NOTUM: variants seen among roughly 807,000 people sequenced by gnomAD.
The protein encoded by NOTUM is notum, palmitoleoyl-protein carboxylesterase.
Under a neutral mutation model 65.5 loss-of-function variants are expected in NOTUM, and 36 were observed. That is an observed-to-expected ratio of 0.55 (90% CI 0.42 to 0.73). The LOEUF is 0.73. Ranked by LOEUF, NOTUM falls within the 30% of genes least tolerant of loss-of-function variation. NOTUM has a pLI of 0.00. For synonymous variants in NOTUM, 356 were observed against 297.9 expected (o/e 1.20, Z -2.01); for missense variants, 659 against 694.2 (o/e 0.95, Z 0.57).
Position 81,959,569 on chromosome 17 carries a change from G to T in NOTUM, c.377-3C>A. On this transcript the variant is annotated splice_region_variant and splice_polypyrimidine_tract_variant and intron_variant, in intron 2 of 10. Coordinates refer to ENST00000409678, the MANE Select transcript of NOTUM (RefSeq NM_178493.6). ...GCGGTTGAAGCAGTACCAGCCGCCT[G>T]CGGACACGACCGCCGCTCAGGCCCG... 5.8e-6 allele frequency: 9 copies of T among 1,548,644 alleles called. No individual in the cohort carries two copies. The highest frequency in any genetic ancestry group is 7.9e-6 in the Non-Finnish European group (9 of 1,146,252).
rs144787172 is a variant in NOTUM at position 81,957,094 on chromosome 17, T to A, written c.696-20A>T. 4.3e-4 allele frequency: 673 copies of A among 1,579,930 alleles called. 3 individuals are homozygous for A. In the African/African-American group the frequency reaches 8.0e-3, roughly 19 times the overall value. ...CCCGCGCTGCAAGGAGGGCCAGACG[T>A]GAGGCCAGGTGGCTGGGAAGAGGCA... is the stretch of plus-strand genomic sequence containing the variant. On this transcript the variant is annotated intron_variant, in intron 6 of 10. Coordinates refer to ENST00000409678, the MANE Select transcript of NOTUM (RefSeq NM_178493.6).
chr17:81,953,453 G>C (rs2041403044), intron 10 of NOTUM, among the ~76,000 whole-genome samples, 186 bp from the exon 11 acceptor site: 1 of 147,402 alleles, frequency 6.8e-6, no homozygotes, highest in Non-Finnish European at 1.5e-5. Context: ...GTGCCACCGA[G>C]ACTGGCTAAT....
chr17:81,955,785 C>T (rs2041428549), intron 8 of NOTUM, among the ~76,000 whole-genome samples: 1 of 124,394 alleles, frequency 8.0e-6, no homozygotes, highest in South Asian at 3.0e-4. Context: ...GTGTCCCCCA[C>T]CCCAGGCTCA....
At chr17:81,959,113 T>C (rs1222345757) in intron 3 of NOTUM, 118 bp from the exon 4 acceptor site, 3 of 878,402 alleles carry the variant, frequency 3.4e-6, no homozygotes, top group Non-Finnish European at 3.7e-6. Flanking sequence ...GGTGTGCTGG[T>C]GTTGCTAGCC....
Position 81,957,862 on chromosome 17 carries a change from C to A in NOTUM, c.639G>T (p.Arg213=). Residue 213 remains arginine (R), a synonymous_variant, in exon 6 of 11, where the codon CGG becomes CGT. Transcript: ENST00000409678. ...MGALIIQEVV[R]ELLGRGLSGA... is the part of the protein sequence containing the mutation. ...CGCTCAGCCCTCTGCCCAGAAGCTC[C>A]CGCACCACCTCCTGGATGATGAGGG... The A allele has an allele frequency of 6.2e-7, 1 of 1,609,662 alleles. No homozygotes were observed. Among genetic ancestry groups the A allele is most frequent in the Non-Finnish European group, 8.5e-7 (1 of 1,178,598 alleles).
At position 81,961,129 on chromosome 17, in the gene NOTUM, C is replaced by T. The variant is rs2041475083; in HGVS notation, c.-220G>A. The T allele has an allele frequency of 1.3e-5, 2 of 151,312 alleles. 1 individual carries two copies. Among genetic ancestry groups the T allele is most frequent in the Non-Finnish European group, 2.9e-5 (2 of 68,832 alleles). 9.4% of individuals were successfully genotyped at this position (151,312 alleles called of 1,614,324 possible). A position where few individuals can be genotyped will look rare whatever the true frequency, so the allele number is the denominator to read the frequency against. On this transcript the variant is annotated 5_prime_UTR_variant, in exon 1 of 11. Transcript: ENST00000409678. ...GTCGGCCTCCGCAGCTGGGGCTCCG[C>T]GCCCGGCCGTCCGAGGGCAGCGCAG...
In NOTUM at chr17:81,960,276, G is replaced by C. The variant is rs779399818; in HGVS notation, c.323+311C>G. ...CTCTCCCCGCCCCCCGGTGTCGCCG[G>C]TTCCCGCTGGAGCCAGGCGCGCTCT... On this transcript the variant is annotated intron_variant, in intron 1 of 10. Transcript: ENST00000409678. The surrounding 1 kb of genome is among the most constrained non-coding windows in gnomAD (Gnocchi z 6.4). 1.3e-5 allele frequency among the ~76,000 whole-genome samples: 2 copies of C among 152,168 alleles called. No individual in the cohort carries two copies. Among genetic ancestry groups the C allele is most frequent in the African/African-American group, 2.4e-5 (1 of 41,448 alleles).
rs879811993 is a variant in NOTUM, at chr17:81,952,591, T to C, written c.*370A>G. The C allele has an allele frequency of 6.1e-4, 130 of 213,812 alleles. 1 individual carries two copies. The highest frequency in any genetic ancestry group is 9.9e-4 in the Non-Finnish European group (106 of 107,422). The allele number at this position is 213,812 out of a possible 1,614,324, so 13.2% of individuals were successfully genotyped here. On this transcript the variant is annotated 3_prime_UTR_variant, in exon 11 of 11. Transcript: ENST00000409678. ...ATCATATATTCTTATTTTCCTTTTTTTAAAAAATTAAAGTAATAAAAAAGT... is the reference window on the plus strand; with the variant it reads ...ATCATATATTCTTATTTTCCTTTTTCTAAAAAATTAAAGTAATAAAAAAGT...
Position 81,952,845 on chromosome 17 carries a change from G to A in NOTUM, c.*116C>T. ...GCAGTGGGCAGACCCAGACAGGGGGGACGGCTGGGGCCCTGTCCCGAAGAG... is the reference window on the plus strand; with the variant it reads ...GCAGTGGGCAGACCCAGACAGGGGGAACGGCTGGGGCCCTGTCCCGAAGAG... On this transcript the variant is annotated 3_prime_UTR_variant, in exon 11 of 11. Transcript: ENST00000409678. 2 of 906,606 alleles carry A rather than the reference G, an allele frequency of 2.2e-6. No homozygotes were observed. Among genetic ancestry groups the A allele is most frequent in the Non-Finnish European group, 3.4e-6 (2 of 583,448 alleles). The allele number at this position is 906,606 out of a possible 1,614,324, so 56.2% of individuals were successfully genotyped here. A position where few individuals can be genotyped will look rare whatever the true frequency, so the allele number is the denominator to read the frequency against.
Position 81,959,472 on chromosome 17 carries a change from T to A in NOTUM, c.471A>T (p.Thr157=). The A allele has an allele frequency of 6.5e-7, 1 of 1,546,126 alleles. No homozygotes were observed. The highest frequency in any genetic ancestry group is 8.7e-7 in the Non-Finnish European group (1 of 1,145,386). ...MSSRDWPRTR[T]GTGILSSQPE... ...CCTTCCCCAGGGCCCGCCGCTGACC[T>A]GTGCGAGTGCGCGGCCAGTCCCGGG... The change falls in exon 3 of 11, where the codon ACA becomes ACT. Residue 157 remains threonine, a splice_region_variant and synonymous_variant. Coordinates refer to ENST00000409678, the MANE Select transcript of NOTUM (RefSeq NM_178493.6).
Position 81,960,739 on chromosome 17 carries a change from C to T in NOTUM, c.171G>A (p.Thr57=), listed in dbSNP as rs1193802046. 1.0e-5 allele frequency: 16 copies of T among 1,599,536 alleles called. No individual in the cohort carries two copies. Among genetic ancestry groups the T allele is most frequent in the African/African-American group, 1.3e-5 (1 of 74,716 alleles). The change falls in exon 1 of 11, where the codon ACG becomes ACA. Residue 57 remains threonine, a synonymous_variant. Coordinates refer to ENST00000409678, the MANE Select transcript of NOTUM (RefSeq NM_178493.6). This position sits in a 1 kb window ranked among gnomAD's most constrained non-coding sequence, Gnocchi z 6.4. ...AGCTGTCCATGTTACCCTCCACGGC[C>T]GTGAAGTCCAGCGGGAAGCTCTCCA... is the stretch of plus-strand genomic sequence containing the variant. ...QPVESFPLDF[T]AVEGNMDSFM...
At chr17:81,959,173 C>G (rs1383393570) in intron 3 of NOTUM, 178 bp from the exon 4 acceptor site, 3 of 635,888 alleles carry the variant, frequency 4.7e-6, no homozygotes, top group South Asian at 3.7e-5. Flanking sequence ...TAGTTACCCC[C>G]GGGAAGCCAC....
intron 3 of NOTUM, chr17:81,959,244 C>T: frequency 1.6e-6 from 1 of 610,010 alleles, no homozygotes; most frequent in South Asian, 2.0e-5. Context: ...AACCCCTTGC[C>T]CTGCTTTGAC....
At chr17:81,959,310 C>T in intron 3 of NOTUM, 161 bp downstream of exon 3, 1 of 632,360 alleles carries the variant, frequency 1.6e-6, no homozygotes, top group Non-Finnish European at 2.7e-6. Flanking sequence ...TGGAATGGGC[C>T]CCAAAAGGCA....
Position 81,959,513 on chromosome 17 carries a change from G to A in NOTUM, c.430C>T (p.Arg144Trp). 5 of 1,548,966 alleles carry A rather than the reference G, an allele frequency of 3.2e-6. No individual in the cohort carries two copies. Among genetic ancestry groups the A allele is most frequent in the Non-Finnish European group, 4.4e-6 (5 of 1,146,540 alleles). The stretch of plus-strand genomic sequence containing the variant: ...CAGTCCCGGGAGCTCATGAGGCGCC[G>A]CATGGTGTCGTATCTGGAGTCGCAG... ...ENCDSRYDTM[R>W]RLMSSRDWPR... Residue 144 changes from arginine (R) to tryptophan (W), a missense_variant, in exon 3 of 11, where the codon CGG becomes TGG. Physicochemically the swap from Arg to Trp is moderately radical, Grantham distance 101. Coordinates refer to ENST00000409678, the MANE Select transcript of NOTUM (RefSeq NM_178493.6).
At chr17:81,955,120 C>T (rs1340315546) in intron 9 of NOTUM, among the ~76,000 whole-genome samples, 1 of 152,150 alleles carries the variant, frequency 6.6e-6, no homozygotes, top group Non-Finnish European at 1.5e-5. Flanking sequence ...GCTGGGATTA[C>T]AGGCGCCTGC....
At chr17:81,954,057 C>T (rs1053207354) in intron 10 of NOTUM, among the ~76,000 whole-genome samples, 199 bp downstream of exon 10, 8 of 152,148 alleles carry the variant, frequency 5.3e-5, no homozygotes, top group Non-Finnish European at 1.0e-4. Flanking sequence ...GGATTACAGG[C>T]GTGAGCCACC....
chr17:81,956,718 C>T lies in NOTUM; in HGVS notation c.920G>A (p.Arg307Gln), dbSNP rs1032662187. The T allele has an allele frequency of 4.0e-5, 64 of 1,612,788 alleles. No homozygotes were observed. The highest frequency in any genetic ancestry group is 1.7e-4 in the African/African-American group (13 of 74,926). Residue 307 changes from arginine (R) to glutamine (Q), a missense_variant, in exon 8 of 11, where the codon CGA becomes CAA. By Grantham distance (43) the Arg-to-Gln change is conservative (BLOSUM62 1). Coordinates refer to ENST00000409678, the MANE Select transcript of NOTUM (RefSeq NM_178493.6). The stretch of plus-strand genomic sequence containing the variant: ...CTCCTCGCCCTCCTGGAACTGGCGT[C>T]GGCAGCGCTCCGGGACCACCCCGTT... The part of the protein sequence containing the change: ...YWNGVVPERC[R>Q]RQFQEGEEWN...
chr17:81,959,632 G>C lies in NOTUM; in HGVS notation c.376+8C>G. On this transcript the variant is annotated splice_region_variant and intron_variant, in intron 2 of 10. Coordinates refer to ENST00000409678, the MANE Select transcript of NOTUM (RefSeq NM_178493.6). The stretch of plus-strand genomic sequence containing the variant: ...CCCGGCCTCCCCCCGCCTCAGCCCT[G>C]GACGCACCTTCCAGGAAGAGGAGCC... 6.5e-7 allele frequency: 1 copy of C among 1,545,072 alleles called. No homozygotes were observed. Among genetic ancestry groups the C allele is most frequent in the Non-Finnish European group, 8.7e-7 (1 of 1,145,070 alleles).
Sources: gnomAD v4.1 joint callset for allele counts (sites outside exome capture counted in the v4.1 genomes callset) on GRCh38, gnomAD v4.1.1 for gene constraint, Gnocchi (gnomAD v3.1) non-coding constraint, MANE v1.5 for transcripts, NCBI Gene and HGNC (gene_info 2026-07-23, HGNC 2026-07-21) for gene names.